The following BCAS1 variants were observed in gnomAD, a reference collection of about 807,000 sequenced individuals.
The protein encoded by BCAS1 is brain enriched myelin associated protein 1, also known as breast carcinoma-amplified sequence 1.
A neutral mutation model predicts 65.4 loss-of-function variants in BCAS1; 46 were observed. That is an observed-to-expected ratio of 0.70 (90% CI 0.55 to 0.90). BCAS1 has a LOEUF of 0.90. Ranked by LOEUF, BCAS1 falls within the 40% of genes least tolerant of loss-of-function variation. BCAS1 has a pLI of 0.00. For synonymous variants in BCAS1, 298 were observed against 293.5 expected (o/e 1.02, Z -0.16); for missense variants, 793 against 771.2 (o/e 1.03, Z -0.33).
chr20:54,067,825 C>T (rs2092463393), intron 1 of BCAS1, among the ~76,000 whole-genome samples: 1 of 152,176 alleles, frequency 6.6e-6, no homozygotes, highest in Non-Finnish European at 1.5e-5. Context: ...ACAAGCAACA[C>T]CTTCGATCAA....
intron 12 of BCAS1, among the ~76,000 whole-genome samples, chr20:53,946,576 T>C (rs191979916): frequency 3.8e-4 from 58 of 150,902 alleles, no homozygotes; most frequent in Non-Finnish European, 7.4e-4. Context: ...TATTGTAGCA[T>C]AGTATATATA....
At chr20:54,065,220 T>C (rs6123351) in intron 1 of BCAS1, among the ~76,000 whole-genome samples, 20,925 of 151,738 alleles carry the variant, frequency 0.14, 1,922 homozygotes, top group East Asian at 0.31. Context: ...TTTACAATGT[T>C]TAGGGTATTT....
intron 9 of BCAS1, among the ~76,000 whole-genome samples, chr20:53,975,124 CTCTT>C: frequency 6.6e-6 from 1 of 152,344 alleles, no homozygotes; most frequent in Middle Eastern, 3.4e-3. Context: ...GTGTAGTAGA[CTCTT>C]TCAGCCCCTA....
intron 12 of BCAS1, among the ~76,000 whole-genome samples, chr20:53,948,139 C>T (rs543907942): frequency 6.6e-6 from 1 of 152,266 alleles, no homozygotes; most frequent in East Asian, 1.9e-4. Context: ...CTCTGTTTGC[C>T]CAGCGTGCCT....
intron 12 of BCAS1, among the ~76,000 whole-genome samples, chr20:53,950,653 T>C (rs1316476487): frequency 1.3e-5 from 2 of 152,132 alleles, no homozygotes; most frequent in African/African-American, 4.8e-5. Context: ...AGCTGCATGC[T>C]TCCCCTTCGA....
chr20:53,976,815 A>G (rs1485171458), intron 8 of BCAS1, among the ~76,000 whole-genome samples: 2 of 152,198 alleles, frequency 1.3e-5, no homozygotes, highest in East Asian at 3.9e-4. Context: ...TCTTCTTCCC[A>G]CAGTGAAGTT....
At chr20:54,058,623 C>A (rs527901521) in intron 2 of BCAS1, 24 bp downstream of exon 2, 14 of 1,432,548 alleles carry the variant, frequency 9.8e-6, no homozygotes, top group Middle Eastern at 2.1e-4. Flanking sequence ...TCTGCTGATG[C>A]CCCTGTAATG....
chr20:54,032,623 G>C (rs948853588), intron 3 of BCAS1, among the ~76,000 whole-genome samples: 2 of 151,172 alleles, frequency 1.3e-5, no homozygotes, highest in Admixed American at 6.6e-5. Flanking sequence ...TAAAGGGATG[G>C]GGAAAAATCT....
intron 3 of BCAS1, among the ~76,000 whole-genome samples, chr20:54,034,300 A>T (rs2091857732): frequency 6.6e-6 from 1 of 151,402 alleles, no homozygotes; most frequent in Admixed American, 6.6e-5. Context: ...GGGCAAGAGA[A>T]ATAAATAAAG....
intron 7 of BCAS1, among the ~76,000 whole-genome samples, chr20:53,991,310 C>G (rs1255203146): frequency 6.6e-6 from 1 of 152,172 alleles, no homozygotes; most frequent in South Asian, 2.1e-4. Context: ...ATTCCCCATT[C>G]TTTTCTCTTC....
chr20:53,977,331 A>G (rs144825418), intron 8 of BCAS1, among the ~76,000 whole-genome samples: 53 of 152,338 alleles, frequency 3.5e-4, no homozygotes, highest in African/African-American at 1.2e-3. Context: ...CTCTGAGATT[A>G]GTCAGACACT....
chr20:54,058,687 A>G lies in BCAS1; in HGVS notation c.32T>C (p.Val11Ala), dbSNP rs765113727. MGNQMSVPQRVEDQENEPEAE... is the reference protein window; with the variant it reads MGNQMSVPQRAEDQENEPEAE... ...TTCTGGTTCATTCTCTTGGTCTTCA[A>G]CTCTTTGGGGAACACTCATTTGGTT... The change falls in exon 2 of 13, where the codon GTT (valine) becomes GCT (alanine). Residue 11 changes from valine (V) to alanine (A), a missense_variant. Physicochemically the swap from Val to Ala is moderately conservative, Grantham distance 64 (BLOSUM62 0). Transcript: ENST00000688948. 8 of 1,609,552 alleles carry G rather than the reference A, an allele frequency of 5.0e-6. No homozygotes were observed. The highest frequency in any genetic ancestry group is 1.7e-4 in the Middle Eastern group (1 of 6,060).
chr20:53,957,797 G>C (rs1178657539), intron 10 of BCAS1, among the ~76,000 whole-genome samples: 3 of 152,108 alleles, frequency 2.0e-5, no homozygotes, highest in Non-Finnish European at 2.9e-5. Context: ...GCAGGAGATA[G>C]TTGAACATAT....
At chr20:54,037,845 G>A (rs1044113425) in intron 3 of BCAS1, among the ~76,000 whole-genome samples, 2 of 151,064 alleles carry the variant, frequency 1.3e-5, no homozygotes, top group Non-Finnish European at 3.0e-5. Flanking sequence ...ATAGAAGGGA[G>A]GGAAGATGAA....
rs563426476 is a variant in BCAS1, at chr20:53,984,401, T to C, written c.1275+886A>G. On this transcript the variant is annotated intron_variant, in intron 8 of 12. Transcript: ENST00000688948. ...AGAACCTGGAAGGAAGGTTTCTGTA[T>C]GACAGGAAGCAAACAGGCAAGGGGC... 3.3e-5 allele frequency among the ~76,000 whole-genome samples: 5 copies of C among 152,338 alleles called. No individual in the cohort carries two copies. The South Asian group carries it at 1.0e-3, about 32-fold the overall frequency.
chr20:53,976,917 G>T (rs1401055258), intron 8 of BCAS1, among the ~76,000 whole-genome samples: 3 of 152,214 alleles, frequency 2.0e-5, no homozygotes, highest in Non-Finnish European at 4.4e-5. Context: ...GAAGAAATTA[G>T]CAGTAGTGTT....
rs1195377493 is a variant in BCAS1, at chr20:54,035,494, A to G, written c.143-6522T>C. Among the ~76,000 whole-genome samples the G allele has an allele frequency of 2.6e-5, 4 of 150,978 alleles. 1 individual carries two copies. The highest frequency in any genetic ancestry group is 4.4e-5 in the Non-Finnish European group (3 of 67,458). ...CTAATCATCAGAGAAATGCAAATCA[A>G]AAACCACAATGAGATACCATCTAAT... On this transcript the variant is annotated intron_variant, in intron 3 of 12. Transcript: ENST00000688948.
intron 4 of BCAS1, among the ~76,000 whole-genome samples, chr20:54,005,367 G>C (rs909520935): frequency 8.5e-6 from 1 of 117,220 alleles, no homozygotes; most frequent in Non-Finnish European, 2.0e-5. Context: ...ATGCACCTGT[G>C]GTCCTAGCTA....
chr20:53,969,218 C>T (rs2090118112), intron 9 of BCAS1, among the ~76,000 whole-genome samples: 1 of 152,054 alleles, frequency 6.6e-6, no homozygotes, highest in South Asian at 2.1e-4. Flanking sequence ...AAGTTGTCTG[C>T]ATATTAAATC....
Sources: allele counts gnomAD v4.1 joint callset (sites outside exome capture counted in the v4.1 genomes callset), GRCh38; gene constraint gnomAD v4.1.1; transcripts MANE v1.5; gene names NCBI Gene and HGNC (gene_info 2026-07-23, HGNC 2026-07-21).